The following SLC28A2 variants were observed in gnomAD, a reference collection of about 807,000 sequenced individuals.
SLC28A2 encodes solute carrier family 28 member 2.
SLC28A2 carries 69 observed loss-of-function variants against 72.9 expected under a neutral mutation model. That is an observed-to-expected ratio of 0.95 (90% confidence interval 0.78 to 1.16). The LOEUF (loss-of-function observed/expected upper bound fraction) is 1.16, where lower values mean the gene tolerates loss of function less well. Among genes scored for constraint, SLC28A2 ranks in the 50% most tolerant of loss-of-function variants. The pLI is 0.00. For missense variants in SLC28A2, 745 were observed against 791.1 expected (o/e 0.94, Z 0.70); for synonymous variants, 296 against 294.1 (o/e 1.01, Z -0.07).
chr15:45,253,417 T>G lies in SLC28A2; in HGVS notation c.82-15T>G. On this transcript the variant is annotated splice_polypyrimidine_tract_variant and intron_variant, in intron 2 of 17. Transcript: ENST00000347644. The stretch of plus-strand genomic sequence containing the variant: ...AGGGCTCCATGACTGATCCCAATGC[T>G]CTCTGTGCTTGTAGGAAAAAGAAGT... 6.2e-7 allele frequency: 1 copy of G among 1,609,096 alleles called. No homozygotes were observed. Among genetic ancestry groups the G allele is most frequent in the Non-Finnish European group, 8.5e-7 (1 of 1,175,476 alleles).
At chr15:45,265,223 C>A in intron 8 of SLC28A2, 57 bp downstream of exon 8, 1 of 1,187,726 alleles carries the variant, frequency 8.4e-7, no homozygotes, top group Non-Finnish European at 1.3e-6. Flanking sequence ...AGGAATAAAG[C>A]AGAGGATGAA....
intron 17 of SLC28A2, among the ~76,000 whole-genome samples, chr15:45,274,242 T>C (rs1900678398): frequency 6.6e-6 from 1 of 152,066 alleles, no homozygotes; most frequent in African/African-American, 2.4e-5. Context: ...CTCACACCTA[T>C]AATCCCAGCA....
At chr15:45,262,952 C>G (rs781740265) in intron 4 of SLC28A2, 109 bp from the exon 5 acceptor site, 62 of 884,256 alleles carry the variant, frequency 7.0e-5, no homozygotes, top group Non-Finnish European at 1.0e-4. Context: ...GTGGCAAGGT[C>G]TCTGGAGGGT....
Position 45,276,752 on chromosome 15 carries a change from A to G in SLC28A2, c.*1239A>G, listed in dbSNP as rs561829957. ...ATTACTGATGTTACCTTTGAAAGGT[A>G]TATGAATATTTAATGATAAGATTTT... is the stretch of plus-strand genomic sequence containing the variant. On this transcript the variant is annotated 3_prime_UTR_variant, in exon 18 of 18. Coordinates refer to ENST00000347644, the MANE Select transcript of SLC28A2 (RefSeq NM_004212.4). The G allele has an allele frequency of 6.6e-6, 1 of 152,296 alleles. No individual in the cohort carries two copies. Among genetic ancestry groups the G allele is most frequent in the South Asian group, 2.1e-4 (1 of 4,828 alleles). 9.4% of individuals were successfully genotyped at this position (152,296 alleles called of 1,614,324 possible).
chr15:45,272,346 C>T lies in SLC28A2; in HGVS notation c.1700C>T (p.Ala567Val). 1 of 1,613,934 alleles carries T rather than the reference C, an allele frequency of 6.2e-7. No individual in the cohort carries two copies. The highest frequency in any genetic ancestry group is 8.5e-7 in the Non-Finnish European group (1 of 1,179,992). The change falls in exon 16 of 18, where the codon GCC becomes GTC. Residue 567 changes from alanine (A) to valine (V), a missense_variant. Coordinates refer to ENST00000347644, the MANE Select transcript of SLC28A2 (RefSeq NM_004212.4). ...GACTTGTCCAAGGTTGTGGTCAGGG[C>T]CCTCTTCACAGGGGCCTGTGTATCC... ...KSDLSKVVVR[A>V]LFTGACVSLI...
chr15:45,265,173 CCTATTTTATGGGCAGGAATGATGGT>C lies in SLC28A2; in HGVS notation c.780+12_780+36del, dbSNP rs768534825. 2 of 1,565,756 alleles carry C rather than the reference CCTATTTTATGGGCAGGAATGATGGT, an allele frequency of 1.3e-6. No individual in the cohort carries two copies. Among genetic ancestry groups the C allele is most frequent in the Non-Finnish European group, 1.8e-6 (2 of 1,136,300 alleles). Reference sequence around the variant, plus strand: ...GGATGTCTTTGCTTTTCAGGTGATACCTATTTTATGGGCAGGAATGATGGTCTATGGAGGGGTAGAGGAATAAAGC... The same window carrying C: ...GGATGTCTTTGCTTTTCAGGTGATACCTATGGAGGGGTAGAGGAATAAAGC... On this transcript the variant is annotated splice_region_variant and intron_variant, in intron 8 of 17. Transcript: ENST00000347644.
At chr15:45,264,152 C>T (rs1308737751) in intron 6 of SLC28A2, 130 bp downstream of exon 6, 2 of 862,188 alleles carry the variant, frequency 2.3e-6, no homozygotes, top group Non-Finnish European at 3.3e-6. Flanking sequence ...TAGAATTTGC[C>T]TCTTTGATAA....
chr15:45,266,006 A>T, intron 9 of SLC28A2, 75 bp from the exon 10 acceptor site: 2 of 1,056,158 alleles, frequency 1.9e-6, no homozygotes, highest in East Asian at 2.4e-5. Flanking sequence ...AGTAAAGTGG[A>T]GGAGGAGGAG....
At chr15:45,268,079 G>T in intron 12 of SLC28A2, 131 bp from the exon 13 acceptor site, 1 of 855,224 alleles carries the variant, frequency 1.2e-6, no homozygotes, top group Non-Finnish European at 1.8e-6. Flanking sequence ...GGGTCACTGA[G>T]GAACCCCTGT....
At chr15:45,273,979 T>C (rs538590751) in intron 17 of SLC28A2, among the ~76,000 whole-genome samples, 1 of 152,182 alleles carries the variant, frequency 6.6e-6, no homozygotes, top group South Asian at 2.1e-4. Flanking sequence ...TGTATTGAGA[T>C]GGGGTCTCAC....
chr15:45,270,614 A>ATATT (rs199782684), intron 15 of SLC28A2, among the ~76,000 whole-genome samples: 1,834 of 151,748 alleles, frequency 0.012, 17 homozygotes, highest in Non-Finnish European at 0.017. Context: ...ATAAATAAAG[A>ATATT]TATTTATTTA....
intron 15 of SLC28A2, chr15:45,271,937 T>G (rs1900584973): frequency 5.0e-6 from 1 of 200,110 alleles, no homozygotes; most frequent in Admixed American, 5.6e-5. Context: ...CATCTAATTC[T>G]GGTCCAGGCT....
Position 45,275,872 on chromosome 15 carries a change from T to G in SLC28A2, c.*359T>G, listed in dbSNP as rs1900740516. ...ATGGCGTGAATCCGGGAGGCGGAGC[T>G]TGCAGCGAGCCAAGATCGCGCCACT... is the stretch of plus-strand genomic sequence containing the variant. On this transcript the variant is annotated 3_prime_UTR_variant, in exon 18 of 18. Coordinates refer to ENST00000347644, the MANE Select transcript of SLC28A2 (RefSeq NM_004212.4). 6.4e-6 allele frequency: 1 copy of G among 155,060 alleles called. No individual in the cohort carries two copies. The highest frequency in any genetic ancestry group is 1.4e-5 in the Non-Finnish European group (1 of 71,916). The allele number at this position is 155,060 out of a possible 1,614,324, so 9.6% of individuals were successfully genotyped here. A position where few individuals can be genotyped will look rare whatever the true frequency, so the allele number is the denominator to read the frequency against.
chr15:45,261,754 A>T lies in SLC28A2; in HGVS notation c.171-261A>T, dbSNP rs148620883. On this transcript the variant is annotated intron_variant, in intron 3 of 17. Coordinates refer to ENST00000347644, the MANE Select transcript of SLC28A2 (RefSeq NM_004212.4). ...GTAGTAGACCCCTGACATGAGCAGT[A>T]CCCACTTCTATGGTAGGAGACTACC... 2.4e-3 allele frequency among the ~76,000 whole-genome samples: 370 copies of T among 152,298 alleles called. 2 individuals are homozygous for T. Among genetic ancestry groups the T allele is most frequent in the African/African-American group, 8.5e-3 (353 of 41,554 alleles).
chr15:45,266,031 C>G (rs1300674186), intron 9 of SLC28A2, 50 bp from the exon 10 acceptor site: 1 of 1,315,450 alleles, frequency 7.6e-7, no homozygotes, highest in Non-Finnish European at 1.1e-6. Context: ...GCGAGATGTT[C>G]TCCAAGATTC....
chr15:45,259,273 C>T (rs1900073963), intron 3 of SLC28A2, among the ~76,000 whole-genome samples: 1 of 152,130 alleles, frequency 6.6e-6, no homozygotes, highest in African/African-American at 2.4e-5. Context: ...AGCCATTCCA[C>T]AATTTATATA....
chr15:45,272,426 G>C, intron 16 of SLC28A2, 33 bp downstream of exon 16: 1 of 1,491,380 alleles, frequency 6.7e-7, no homozygotes, highest in Non-Finnish European at 9.3e-7. Context: ...AGATACTGCT[G>C]CATGAGGGTG....
intron 4 of SLC28A2, 113 bp from the exon 5 acceptor site, chr15:45,262,948 A>G (rs1900205997): frequency 1.2e-6 from 1 of 807,188 alleles, no homozygotes; most frequent in South Asian, 1.8e-5. Flanking sequence ...CTGGGTGGCA[A>G]GGTCTCTGGA....
chr15:45,256,398 T>C (rs1353103364), intron 3 of SLC28A2, among the ~76,000 whole-genome samples: 1 of 152,014 alleles, frequency 6.6e-6, no homozygotes, highest in Admixed American at 6.6e-5. Flanking sequence ...TTACTTTCCA[T>C]ATTTCTACGT....
Sources: gnomAD v4.1 joint callset for allele counts (sites outside exome capture counted in the v4.1 genomes callset) on GRCh38, gnomAD v4.1.1 for gene constraint, MANE v1.5 for transcripts, NCBI Gene and HGNC (gene_info 2026-07-23, HGNC 2026-07-21) for gene names.